The following FAM53B variants were observed in gnomAD, a reference collection of about 807,000 sequenced individuals.
FAM53B encodes the protein protein FAM53B.
Under a neutral mutation model 32.7 loss-of-function variants are expected in FAM53B, and 12 were observed. The ratio of observed to expected loss-of-function variants is 0.37; its 90% confidence interval spans 0.24 to 0.59. FAM53B has a LOEUF of 0.59. Among genes scored for constraint, FAM53B ranks in the 20% least tolerant of loss-of-function variants. FAM53B has a pLI of 0.72. For missense variants in FAM53B, 477 were observed against 577.7 expected (o/e 0.83, Z 1.79); for synonymous variants, 234 against 228.7 (o/e 1.02, Z -0.21).
Position 124,681,724 on chromosome 10 carries a change from A to G in FAM53B, c.789T>C (p.Leu263=). The change falls in exon 4 of 5, where the codon CTT becomes CTC. Residue 263 remains leucine (L), a synonymous_variant. Coordinates refer to ENST00000337318, the MANE Select transcript of FAM53B (RefSeq NM_014661.4). ...TPELARRSSG[L]SRSRSQPCVL... ...CACACGGCTGGGAGCGGCTGCGGGA[A>G]AGGCCGCTGGAGCGTCTCGCCAGCT... 5 of 1,611,084 alleles carry G rather than the reference A, an allele frequency of 3.1e-6. No individual in the cohort carries two copies. The highest frequency in any genetic ancestry group is 4.2e-6 in the Non-Finnish European group (5 of 1,178,786).
intron 4 of FAM53B, among the ~76,000 whole-genome samples, chr10:124,634,260 A>G (rs1202967947): frequency 1.3e-5 from 2 of 152,240 alleles, no homozygotes; most frequent in Non-Finnish European, 1.5e-5. Context: ...TACGGTGTGG[A>G]TGACCCTTGA....
At chr10:124,714,549 A>G (rs564870397) in intron 1 of FAM53B, among the ~76,000 whole-genome samples, 2 of 151,898 alleles carry the variant, frequency 1.3e-5, no homozygotes, top group Non-Finnish European at 2.9e-5. Flanking sequence ...TCACAAGGTC[A>G]GGAGATCGAG....
In FAM53B at chr10:124,620,799, T is replaced by C. The variant is rs1191733946; in HGVS notation, c.*2443A>G. On this transcript the variant is annotated 3_prime_UTR_variant, in exon 5 of 5. Transcript: ENST00000337318. ...CATTTCTTTCTCTAAGCAGAAGGGA[T>C]AGCCACCATTTTCTCCCCTGACTGC... is the stretch of plus-strand genomic sequence containing the variant. The C allele has an allele frequency of 6.6e-6, 1 of 152,472 alleles. No individual in the cohort carries two copies. Among genetic ancestry groups the C allele is most frequent in the African/African-American group, 2.4e-5 (1 of 41,478 alleles). The allele number at this position is 152,472 out of a possible 1,614,324, so 9.4% of individuals were successfully genotyped here.
chr10:124,723,704 G>A (rs556978982), intron 1 of FAM53B, among the ~76,000 whole-genome samples: 157 of 152,338 alleles, frequency 1.0e-3, no homozygotes, highest in African/African-American at 3.4e-3. Flanking sequence ...CACTTGCAGG[G>A]CCGGCCCTGG....
intron 4 of FAM53B, among the ~76,000 whole-genome samples, chr10:124,625,053 C>T (rs940941553): frequency 1.3e-5 from 2 of 152,222 alleles, no homozygotes; most frequent in South Asian, 4.1e-4. Flanking sequence ...CGCCTGCTGA[C>T]GCCAAGACCA....
At chr10:124,647,367 C>A (rs915106117) in intron 4 of FAM53B, among the ~76,000 whole-genome samples, 1 of 152,132 alleles carries the variant, frequency 6.6e-6, no homozygotes, top group African/African-American at 2.4e-5. Flanking sequence ...TGCTCATAAA[C>A]CCCACTCCCC....
At chr10:124,695,352 C>T (rs1043425824) in intron 3 of FAM53B, among the ~76,000 whole-genome samples, 7 of 152,144 alleles carry the variant, frequency 4.6e-5, no homozygotes, top group African/African-American at 1.7e-4. Flanking sequence ...AATCAATGGT[C>T]ATCTTTTTTA....
intron 4 of FAM53B, among the ~76,000 whole-genome samples, chr10:124,650,829 G>C (rs1949551304): frequency 6.6e-6 from 1 of 152,188 alleles, no homozygotes; most frequent in African/African-American, 2.4e-5. Context: ...TTTCGAGAGA[G>C]AGATGTGTTT....
At chr10:124,685,601 C>T (rs1372906860) in intron 3 of FAM53B, among the ~76,000 whole-genome samples, 1 of 152,262 alleles carries the variant, frequency 6.6e-6, no homozygotes, top group African/African-American at 2.4e-5. Flanking sequence ...GCGTCTCCGC[C>T]AGGCCTCGGG....
intron 4 of FAM53B, among the ~76,000 whole-genome samples, chr10:124,676,513 G>A (rs1452307833): frequency 1.3e-5 from 2 of 152,184 alleles, no homozygotes; most frequent in Non-Finnish European, 2.9e-5. Flanking sequence ...GCTGCTGGGG[G>A]TGCCAGCGCA....
At chr10:124,637,834 T>C (rs1292488881) in intron 4 of FAM53B, among the ~76,000 whole-genome samples, 6 of 152,184 alleles carry the variant, frequency 3.9e-5, no homozygotes, top group African/African-American at 7.2e-5. Context: ...CTTCCTGCCA[T>C]TGCATAGCCC....
At chr10:124,717,430 G>A (rs1287292877) in intron 1 of FAM53B, among the ~76,000 whole-genome samples, 3 of 152,256 alleles carry the variant, frequency 2.0e-5, no homozygotes, top group Non-Finnish European at 4.4e-5. Flanking sequence ...GATGATGCCT[G>A]TCCTGGAACA....
intron 4 of FAM53B, among the ~76,000 whole-genome samples, chr10:124,679,864 T>A (rs997362855): frequency 4.6e-5 from 7 of 152,388 alleles, no homozygotes; most frequent in Middle Eastern, 3.4e-3. Flanking sequence ...ATGTCTCCAA[T>A]GATGCCAGTG....
chr10:124,672,780 G>A (rs1949714314), intron 4 of FAM53B, among the ~76,000 whole-genome samples: 1 of 152,208 alleles, frequency 6.6e-6, no homozygotes, highest in Non-Finnish European at 1.5e-5. Flanking sequence ...GGCCTCCCCA[G>A]TGGCAAGGAG....
Position 124,681,663 on chromosome 10 carries a change from G to A in FAM53B, c.850C>T (p.Arg284Cys), listed in dbSNP as rs145118068. ...NDKKVGVKRRRPEEVQEQRPS... is the reference protein window; with the variant it reads ...NDKKVGVKRRCPEEVQEQRPS... The stretch of plus-strand genomic sequence containing the variant: ...CTCTGCTCTTGCACTTCTTCAGGGC[G>A]CCGCCTTTTAACACCGACCTTCTTG... Residue 284 changes from arginine to cysteine, a missense_variant, in exon 4 of 5, where the codon CGC becomes TGC. Around this residue, in one of 2 missense-constraint regions of FAM53B, gnomAD observed 312 missense variants for 420.2 expected, o/e 0.74. Coordinates refer to ENST00000337318, the MANE Select transcript of FAM53B (RefSeq NM_014661.4). 76 of 1,611,916 alleles carry A rather than the reference G, an allele frequency of 4.7e-5. No individual in the cohort carries two copies. The highest frequency in any genetic ancestry group is 1.2e-4 in the African/African-American group (9 of 74,914).
intron 1 of FAM53B, among the ~76,000 whole-genome samples, chr10:124,729,055 G>A (rs559009296): frequency 2.2e-4 from 34 of 152,364 alleles, no homozygotes; most frequent in African/African-American, 7.7e-4. Flanking sequence ...AGCAGACGAT[G>A]AGAGAACATA....
intron 4 of FAM53B, among the ~76,000 whole-genome samples, chr10:124,654,599 G>C (rs1949575716): frequency 6.6e-6 from 1 of 152,206 alleles, no homozygotes; most frequent in Admixed American, 6.5e-5. Flanking sequence ...CCCTGCCCAG[G>C]GCGAGGGTAG....
chr10:124,678,565 T>A (rs1949750447), intron 4 of FAM53B, among the ~76,000 whole-genome samples: 1 of 152,188 alleles, frequency 6.6e-6, no homozygotes, highest in African/African-American at 2.4e-5. Context: ...GTGAACACCA[T>A]GCCCAGAAAA....
At chr10:124,686,433 C>T (rs184639478) in intron 3 of FAM53B, among the ~76,000 whole-genome samples, 6 of 152,342 alleles carry the variant, frequency 3.9e-5, no homozygotes, top group Admixed American at 2.6e-4. Context: ...CAAACATCAG[C>T]TCTTTCACTC....
Sources: allele counts gnomAD v4.1 joint callset (sites outside exome capture counted in the v4.1 genomes callset), GRCh38; gene constraint gnomAD v4.1.1; regional missense constraint gnomAD v4.1.1; transcripts MANE v1.5; gene names NCBI Gene and HGNC (gene_info 2026-07-23, HGNC 2026-07-21).